The following PPP2R2B variants were observed in gnomAD, a reference collection of about 807,000 sequenced individuals.
PPP2R2B encodes serine/threonine-protein phosphatase 2A 55 kDa regulatory subunit B beta isoform.
Under a neutral mutation model 46.0 loss-of-function variants are expected in PPP2R2B, and 5 were observed. The ratio of observed to expected loss-of-function variants is 0.11; its 90% confidence interval spans 0.06 to 0.23. The LOEUF (loss-of-function observed/expected upper bound fraction) is 0.23. Ranked by LOEUF, PPP2R2B falls within the 10% of genes least tolerant of loss-of-function variation. The pLI is 1.00. For synonymous variants in PPP2R2B, 215 were observed against 206.7 expected (o/e 1.04, Z -0.34); for missense variants, 367 against 575.0 (o/e 0.64, Z 3.70).
intron 2 of PPP2R2B, among the ~76,000 whole-genome samples, chr5:146,754,668 G>C (rs1753739703): frequency 6.6e-6 from 1 of 152,036 alleles, no homozygotes; most frequent in South Asian, 2.1e-4. Context: ...CTTCCTTCTT[G>C]ATCTCTCTCT....
rs185475213 is a variant in PPP2R2B, at chr5:146,991,312, A to G, written c.79+64353T>C. On this transcript the variant is annotated intron_variant, in intron 1 of 8. Coordinates refer to the PPP2R2B transcript ENST00000336640. ...CACTATTCATAATAGCCAAGATAGG[A>G]AATCAACCTATGTACCCATCTACAG... 3.4e-4 allele frequency among the ~76,000 whole-genome samples: 51 copies of G among 152,234 alleles called. No individual in the cohort carries two copies. In the East Asian group the frequency reaches 9.5e-3, roughly 28 times the overall value.
chr5:146,776,930 A>T (rs1755220409), intron 2 of PPP2R2B, among the ~76,000 whole-genome samples: 1 of 152,134 alleles, frequency 6.6e-6, no homozygotes, highest in Non-Finnish European at 1.5e-5. Flanking sequence ...GAAAATGCAA[A>T]AAATACCACA....
chr5:146,776,203 G>A (rs1422396904), intron 2 of PPP2R2B, among the ~76,000 whole-genome samples: 1 of 152,036 alleles, frequency 6.6e-6, no homozygotes, highest in Non-Finnish European at 1.5e-5. Flanking sequence ...AATTCATCTT[G>A]AAAAAGAATA....
intron 1 of PPP2R2B, among the ~76,000 whole-genome samples, chr5:146,895,768 A>T (rs1762626230): frequency 6.6e-6 from 1 of 152,206 alleles, no homozygotes; most frequent in African/African-American, 2.4e-5. Flanking sequence ...AAATGTCAAA[A>T]GAATTCCATC....
intron 2 of PPP2R2B, among the ~76,000 whole-genome samples, chr5:147,061,123 A>G (rs1757245283): frequency 6.6e-6 from 1 of 152,204 alleles, no homozygotes; most frequent in Non-Finnish European, 1.5e-5. Context: ...ATTAAATGCC[A>G]GGCACTCTTC....
At chr5:146,903,149 T>C (rs1255480258) in intron 1 of PPP2R2B, among the ~76,000 whole-genome samples, 1 of 152,146 alleles carries the variant, frequency 6.6e-6, no homozygotes, top group African/African-American at 2.4e-5. Context: ...GGGATATATA[T>C]AGTAATTTTT....
At chr5:146,964,016 T>C (rs1561544279) in intron 1 of PPP2R2B, among the ~76,000 whole-genome samples, 1 of 152,214 alleles carries the variant, frequency 6.6e-6, no homozygotes, top group Non-Finnish European at 1.5e-5. Context: ...ATACTTGACC[T>C]TCTCCAGGCA....
chr5:146,899,533 G>T (rs1307349151), intron 1 of PPP2R2B, among the ~76,000 whole-genome samples: 1 of 151,030 alleles, frequency 6.6e-6, no homozygotes, highest in Admixed American at 6.6e-5. Flanking sequence ...TAAATGATGA[G>T]TTAATGGGTG....
intron 2 of PPP2R2B, among the ~76,000 whole-genome samples, chr5:146,811,865 C>G (rs1050247542): frequency 2.0e-5 from 3 of 151,994 alleles, no homozygotes; most frequent in African/African-American, 7.2e-5. Flanking sequence ...CCGTGCCCAG[C>G]CAGAATCAAC....
intron 1 of PPP2R2B, among the ~76,000 whole-genome samples, chr5:146,994,322 G>A (rs151093387): frequency 1.1e-4 from 16 of 152,216 alleles, no homozygotes; most frequent in Middle Eastern, 6.8e-3. Flanking sequence ...GTCAGGAGGG[G>A]ACTCAGTCAT....
At chr5:146,957,203 C>G (rs922276724) in intron 1 of PPP2R2B, among the ~76,000 whole-genome samples, 3 of 152,332 alleles carry the variant, frequency 2.0e-5, no homozygotes, top group African/African-American at 4.8e-5. Flanking sequence ...GGGACATACA[C>G]TACCCAGGTG....
chr5:146,742,507 AT>A (rs1425234601), intron 2 of PPP2R2B, among the ~76,000 whole-genome samples: 7 of 152,170 alleles, frequency 4.6e-5, no homozygotes, highest in Non-Finnish European at 1.0e-4. Flanking sequence ...CACACTATGC[AT>A]TGATATTCTG....
intron 1 of PPP2R2B, among the ~76,000 whole-genome samples, chr5:147,011,233 C>G (rs907807732): frequency 6.6e-6 from 1 of 152,092 alleles, no homozygotes; most frequent in Non-Finnish European, 1.5e-5. Context: ...TCATCTACTC[C>G]ATGTCTTTGC....
intron 1 of PPP2R2B, among the ~76,000 whole-genome samples, chr5:146,975,639 T>A (rs1157135449): frequency 6.6e-6 from 1 of 152,250 alleles, no homozygotes; most frequent in South Asian, 2.1e-4. Context: ...TTTTCCCACA[T>A]ACTTACCAAC....
At chr5:146,868,677 C>T (rs1299457423) in intron 2 of PPP2R2B, among the ~76,000 whole-genome samples, 2 of 152,122 alleles carry the variant, frequency 1.3e-5, no homozygotes, top group African/African-American at 2.4e-5. Context: ...CTTTCCATTT[C>T]CCCCCAGTTC....
At chr5:147,068,410 T>G (rs73310631) in intron 2 of PPP2R2B, among the ~76,000 whole-genome samples, 7,358 of 152,234 alleles carry the variant, frequency 0.048, 318 homozygotes, top group African/African-American at 0.11. Flanking sequence ...TTAACTATGG[T>G]AAAGTCTTTC....
intron 7 of PPP2R2B, among the ~76,000 whole-genome samples, chr5:146,636,105 A>C (rs533121156): frequency 6.4e-4 from 97 of 152,202 alleles, no homozygotes; most frequent in African/African-American, 2.3e-3. Context: ...TAACTTTCCT[A>C]CCTTTATTCA....
intron 2 of PPP2R2B, among the ~76,000 whole-genome samples, chr5:146,745,475 C>T (rs17105330): frequency 0.21 from 31,566 of 152,018 alleles, 3,719 homozygotes; most frequent in East Asian, 0.39. Flanking sequence ...AAGTGAAAGA[C>T]GAATGTTAGT....
intron 1 of PPP2R2B, among the ~76,000 whole-genome samples, chr5:146,891,243 C>T (rs956274875): frequency 6.6e-6 from 1 of 152,182 alleles, no homozygotes; most frequent in South Asian, 2.1e-4. Context: ...GTTTCTTAAT[C>T]ATGTTGTGTT....
Sources: allele counts gnomAD v4.1 joint callset (sites outside exome capture counted in the v4.1 genomes callset), GRCh38; gene constraint gnomAD v4.1.1; transcripts MANE v1.5; gene names NCBI Gene and HGNC (gene_info 2026-07-23, HGNC 2026-07-21).